The following RNF150 variants were observed in gnomAD, a reference collection of about 807,000 sequenced individuals.
RNF150 encodes ring finger protein 150.
Under a neutral mutation model 39.3 loss-of-function variants are expected in RNF150, and 24 were observed. The observed-to-expected ratio is 0.61, with a 90% CI of 0.44 to 0.86. RNF150 has a LOEUF of 0.86. RNF150 is among the 40% of genes least tolerant of loss of function. RNF150 has a pLI of 0.00. For synonymous variants in RNF150, 255 were observed against 227.3 expected (o/e 1.12, Z -1.10); for missense variants, 502 against 587.8 (o/e 0.85, Z 1.51).
At chr4:140,943,754 T>G (rs1732178940) in intron 4 of RNF150, among the ~76,000 whole-genome samples, 1 of 152,228 alleles carries the variant, frequency 6.6e-6, no homozygotes, top group South Asian at 2.1e-4. Context: ...TTGTTCCAAA[T>G]GAAGCATTTA....
At chr4:140,962,361 A>G (rs1375086496) in intron 2 of RNF150, among the ~76,000 whole-genome samples, 1 of 151,828 alleles carries the variant, frequency 6.6e-6, no homozygotes, top group African/African-American at 2.4e-5. Flanking sequence ...ATGGCAGTGC[A>G]TATGTGCATA....
intron 5 of RNF150, among the ~76,000 whole-genome samples, chr4:140,913,938 A>C (rs1311242285): frequency 6.6e-6 from 1 of 152,222 alleles, no homozygotes; most frequent in Non-Finnish European, 1.5e-5. Context: ...GTGTTTATTA[A>C]GCAAAACTAA....
intron 1 of RNF150, among the ~76,000 whole-genome samples, chr4:141,206,020 C>T (rs939714022): frequency 2.0e-5 from 3 of 152,168 alleles, no homozygotes; most frequent in Admixed American, 6.5e-5. Flanking sequence ...CTCATGATCA[C>T]TCTTGCAGTG....
At chr4:141,185,842 G>A (rs1727998519) in intron 1 of RNF150, among the ~76,000 whole-genome samples, 1 of 151,988 alleles carries the variant, frequency 6.6e-6, no homozygotes, top group Non-Finnish European at 1.5e-5. Flanking sequence ...TTATTGATTT[G>A]CCATTTGTTG....
chr4:141,186,043 C>T (rs1005295345), intron 1 of RNF150, among the ~76,000 whole-genome samples: 1 of 152,182 alleles, frequency 6.6e-6, no homozygotes, highest in Non-Finnish European at 1.5e-5. Flanking sequence ...ATGCTGGCCT[C>T]ATAAAATGAG....
intron 1 of RNF150, among the ~76,000 whole-genome samples, chr4:141,168,548 T>G (rs1164795001): frequency 6.6e-6 from 1 of 152,146 alleles, no homozygotes; most frequent in African/African-American, 2.4e-5. Flanking sequence ...CCAACCCAAA[T>G]GCCCATCAGT....
intron 4 of RNF150, among the ~76,000 whole-genome samples, chr4:140,936,522 A>G (rs1731869423): frequency 6.6e-6 from 1 of 152,194 alleles, no homozygotes; most frequent in African/African-American, 2.4e-5. Flanking sequence ...TTTCATATAA[A>G]TTTGAAAAGA....
chr4:141,084,164 C>T (rs528513604), intron 1 of RNF150, among the ~76,000 whole-genome samples: 15 of 152,284 alleles, frequency 9.9e-5, no homozygotes, highest in Non-Finnish European at 1.5e-4. Flanking sequence ...ATTTTAATGA[C>T]AATATCAGCT....
Position 141,107,065 on chromosome 4 carries a change from A to G in RNF150, c.484+25260T>C, listed in dbSNP as rs531028470. 3.9e-5 allele frequency among the ~76,000 whole-genome samples: 6 copies of G among 152,306 alleles called. No individual in the cohort carries two copies. The South Asian group carries it at 8.3e-4, about 21-fold the overall frequency. ...CAAATTGAGGATAAATATAAACACA[A>G]TGAAAAATAAACACTTTATCTTACA... On this transcript the variant is annotated intron_variant, in intron 1 of 6. Transcript: ENST00000515673.
chr4:140,878,920 T>G (rs1217838984), intron 6 of RNF150, among the ~76,000 whole-genome samples: 1 of 152,232 alleles, frequency 6.6e-6, no homozygotes, highest in Non-Finnish European at 1.5e-5. Flanking sequence ...GTTTGAGTGA[T>G]TTTTTTGTAT....
In RNF150 at chr4:140,999,993, A is replaced by G. The variant is rs1352721009; in HGVS notation, c.485-32120T>C. 7.7e-4 allele frequency among the ~76,000 whole-genome samples: 49 copies of G among 63,344 alleles called. 4 individuals are homozygous for G. The highest frequency in any genetic ancestry group is 1.7e-3 in the African/African-American group (33 of 18,926). 41.6% of individuals were successfully genotyped at this position (63,344 alleles called of 152,430 possible). ...AGAAGAAGAAAAGAAGAAAAGAAGA[A>G]AAGAAGAAGAAGAAGAAGAAGAAGA... On this transcript the variant is annotated intron_variant, in intron 1 of 6. Transcript: ENST00000515673.
chr4:141,110,220 G>A (rs998493003), intron 1 of RNF150, among the ~76,000 whole-genome samples: 4 of 152,156 alleles, frequency 2.6e-5, no homozygotes, highest in African/African-American at 7.2e-5. Flanking sequence ...CTTCCTTACT[G>A]GAGACAGCAC....
At chr4:141,017,612 G>A (rs150163268) in intron 1 of RNF150, among the ~76,000 whole-genome samples, 78 of 152,156 alleles carry the variant, frequency 5.1e-4, no homozygotes, top group Non-Finnish European at 9.0e-4. Context: ...TCATATGGAA[G>A]AGTTTCAGCA....
intron 5 of RNF150, among the ~76,000 whole-genome samples, chr4:140,913,463 C>T (rs190862708): frequency 6.6e-6 from 1 of 152,256 alleles, no homozygotes; most frequent in South Asian, 2.1e-4. Context: ...TATATTGTCC[C>T]TGTGCTCAGG....
intron 4 of RNF150, among the ~76,000 whole-genome samples, chr4:140,938,046 G>A (rs1389367806): frequency 1.3e-5 from 2 of 152,036 alleles, no homozygotes; most frequent in African/African-American, 2.4e-5. Flanking sequence ...TTTTGTTTTC[G>A]ACTTCACGAG....
At chr4:141,027,912 G>GTTTTTTGTTTTTTTTTTTTTT (rs1560696593) in intron 1 of RNF150, among the ~76,000 whole-genome samples, 4 of 27,102 alleles carry the variant, frequency 1.5e-4, no homozygotes, top group African/African-American at 3.2e-4. Context: ...CTTGGAATTT[G>GTTTTTTGTTTTTTTTTTTTTT]TTTTTTTTTT....
chr4:141,161,508 C>T (rs1001418330), intron 1 of RNF150, among the ~76,000 whole-genome samples: 6 of 152,190 alleles, frequency 3.9e-5, no homozygotes, highest in East Asian at 1.9e-4. Context: ...GGGAGAAATT[C>T]AAGCAGGCTG....
At position 140,959,193 on chromosome 4, in the gene RNF150, C is replaced by T. The variant is rs149301067; in HGVS notation, c.735+8430G>A. On this transcript the variant is annotated intron_variant, in intron 2 of 6. Coordinates refer to ENST00000515673, the MANE Select transcript of RNF150 (RefSeq NM_020724.2). ...CCTGCTTAAGACTCTGATTCTACTT[C>T]GCACCAAAACCATTGTTAGATATAA... Among the ~76,000 whole-genome samples the T allele has an allele frequency of 1.6e-4, 25 of 152,242 alleles. No individual in the cohort carries two copies. The East Asian group carries it at 1.9e-3, about 12-fold the overall frequency.
chr4:140,930,372 G>A (rs537012788), intron 4 of RNF150, among the ~76,000 whole-genome samples: 4 of 152,222 alleles, frequency 2.6e-5, no homozygotes, highest in African/African-American at 9.6e-5. Flanking sequence ...ATCTCCTGCT[G>A]GTTCTGCTTC....
Sources: allele counts gnomAD v4.1 joint callset (sites outside exome capture counted in the v4.1 genomes callset), GRCh38; gene constraint gnomAD v4.1.1; transcripts MANE v1.5; gene names NCBI Gene and HGNC (gene_info 2026-07-23, HGNC 2026-07-21).